Variants in MROH9 observed in about 807,000 individuals in gnomAD.
MROH9 encodes the protein maestro heat-like repeat-containing protein family member 9.
In MROH9, 92 loss-of-function variants were observed where a neutral mutation model predicts 98.2. That is an observed-to-expected ratio of 0.94 (90% confidence interval 0.79 to 1.11). The LOEUF (loss-of-function observed/expected upper bound fraction) is 1.11, where lower values mean the gene tolerates loss of function less well. MROH9 is among the 50% of genes most tolerant of loss of function. The pLI, the probability that MROH9 is intolerant of heterozygous loss-of-function variation, is 0.00. For missense variants in MROH9, 1,057 were observed against 1,014.8 expected, an observed-to-expected ratio of 1.04 and a Z score of -0.57; for synonymous variants, 397 against 368.9, an observed-to-expected ratio of 1.08 and a Z score of -0.87.
rs780524229 is a variant in MROH9, at chr1:171,016,220, G to A, written c.1792G>A (p.Asp598Asn). 1.5e-5 allele frequency: 23 copies of A among 1,538,908 alleles called. No homozygotes were observed. Among genetic ancestry groups the A allele is most frequent in the East Asian group, 5.0e-5 (2 of 40,090 alleles). Residue 598 changes from aspartate (D) to asparagine (N), a missense_variant, in exon 17 of 22, where the codon GAT (aspartate) becomes AAT (asparagine). Asp to Asn is a conservative substitution (Grantham distance 23, BLOSUM62 1). Transcript: ENST00000367759. Reference sequence around the variant, plus strand: ...CCTGGATGCCTTCCTTTCCAAAGACGATAATGTTGTACTTCAGGCCTTGCT... The same window carrying A: ...CCTGGATGCCTTCCTTTCCAAAGACAATAATGTTGTACTTCAGGCCTTGCT... ...AILDAFLSKD[D>N]NVVLQALLTL... is the part of the protein sequence containing the mutation.
intron 17 of MROH9, among the ~76,000 whole-genome samples, chr1:171,022,307 T>C (rs1652546986): frequency 6.6e-6 from 1 of 152,208 alleles, no homozygotes; most frequent in Non-Finnish European, 1.5e-5. Context: ...TGTATGTTTA[T>C]TGCAGCACTA....
At position 170,983,544 on chromosome 1, in the gene MROH9, C is replaced by A; in HGVS notation, c.729+10C>A. ...AAGTAAAATAGCTCAGGTAACTTAGCCCCCACTTTTTCCGAGGGCTTTTGT... is the reference window on the plus strand; with the variant it reads ...AAGTAAAATAGCTCAGGTAACTTAGACCCCACTTTTTCCGAGGGCTTTTGT... On this transcript the variant is annotated intron_variant, in intron 9 of 21. Transcript: ENST00000367759. The A allele has an allele frequency of 1.3e-6, 2 of 1,526,116 alleles. No individual in the cohort carries two copies. Among genetic ancestry groups the A allele is most frequent in the Non-Finnish European group, 1.8e-6 (2 of 1,102,622 alleles). The allele number at this position is 1,526,116 out of a possible 1,614,324, so 94.5% of individuals were successfully genotyped here. A position where few individuals can be genotyped will look rare whatever the true frequency, so the allele number is the denominator to read the frequency against.
At chr1:170,980,923 GA>G (rs1285224234) in intron 8 of MROH9, among the ~76,000 whole-genome samples, 11 of 152,040 alleles carry the variant, frequency 7.2e-5, no homozygotes, top group Admixed American at 5.2e-4. Flanking sequence ...AAATTTACAA[GA>G]AAAAAACAAA....
At chr1:171,035,835 A>G (rs1179669995) in intron 20 of MROH9, among the ~76,000 whole-genome samples, 1 of 152,170 alleles carries the variant, frequency 6.6e-6, no homozygotes, top group South Asian at 2.1e-4. Context: ...AAATTCTTAA[A>G]CCACTTTGGA....
intron 8 of MROH9, among the ~76,000 whole-genome samples, chr1:170,983,088 T>G (rs1008671928): frequency 1.3e-5 from 2 of 152,188 alleles, no homozygotes; most frequent in African/African-American, 4.8e-5. Context: ...TGCCTCCAAG[T>G]CTACTTTCCC....
chr1:171,021,270 A>T (rs748214708), intron 17 of MROH9, among the ~76,000 whole-genome samples: 11 of 152,224 alleles, frequency 7.2e-5, no homozygotes, highest in Non-Finnish European at 1.6e-4. Context: ...TTTAAATTCC[A>T]TATGGAAGCA....
intron 7 of MROH9, among the ~76,000 whole-genome samples, chr1:170,970,697 A>C (rs1650408177): frequency 8.7e-6 from 1 of 115,056 alleles, no homozygotes. Flanking sequence ...CTTCCTTAGG[A>C]ATTTCTGTGT....
intron 1 of MROH9, among the ~76,000 whole-genome samples, chr1:170,940,793 C>T (rs1649090944): frequency 6.6e-6 from 1 of 152,192 alleles, no homozygotes; most frequent in Non-Finnish European, 1.5e-5. Flanking sequence ...GATGATGGCA[C>T]TAACCTCTGC....
At position 171,062,182 on chromosome 1, in the gene MROH9, G is replaced by A. The variant is rs1486978900; in HGVS notation, c.2332G>A (p.Val778Ile). The A allele has an allele frequency of 6.5e-7, 1 of 1,549,072 alleles. No individual in the cohort carries two copies. Among genetic ancestry groups the A allele is most frequent in the East Asian group, 2.4e-5 (1 of 40,856 alleles). ...TTTACTGCTTAGAGATGAAATCGAA[G>A]TCATGCTTGATGGTGAGTATTGAGG... ...GHLLLRDEIE[V>I]MLDVIERLLR... The change falls in exon 21 of 22, where the codon GTC becomes ATC. Residue 778 changes from valine to isoleucine, a missense_variant. Coordinates refer to ENST00000367759, the MANE Select transcript of MROH9 (RefSeq NM_001163629.2).
chr1:170,998,165 A>C lies in MROH9; in HGVS notation c.1487A>C (p.Glu496Ala). The C allele has an allele frequency of 1.2e-6, 2 of 1,605,904 alleles. No homozygotes were observed. Among genetic ancestry groups the C allele is most frequent in the South Asian group, 2.2e-5 (2 of 89,064 alleles). The change falls in exon 15 of 22, where the codon GAA becomes GCA. Residue 496 changes from glutamate (E) to alanine (A), a missense_variant. Physicochemically the swap from Glu to Ala is moderately radical, Grantham distance 107 (BLOSUM62 -1). Transcript: ENST00000367759. ...GVCFIAKTLS[E>A]YNFPQFPETL... is the part of the protein sequence containing the mutation. ...ATTCTCTTTTACAGAACTCTCAGTG[A>C]ATATAACTTTCCACAGTTTCCGGAG...
At chr1:171,033,916 A>G (rs1653012579) in intron 20 of MROH9, among the ~76,000 whole-genome samples, 1 of 152,162 alleles carries the variant, frequency 6.6e-6, no homozygotes, top group African/African-American at 2.4e-5. Context: ...ATACTGAGAT[A>G]AGGAATCATT....
intron 3 of MROH9, among the ~76,000 whole-genome samples, chr1:170,953,728 GAAAGA>G (rs3980711): frequency 0.23 from 33,052 of 141,700 alleles, 4,524 homozygotes; most frequent in African/African-American, 0.4. Context: ...GTAGATTAGG[GAAAGA>G]AAAGAAAAGA....
chr1:171,003,937 G>T (rs1258597637), intron 15 of MROH9, among the ~76,000 whole-genome samples: 1 of 152,078 alleles, frequency 6.6e-6, no homozygotes, highest in Non-Finnish European at 1.5e-5. Flanking sequence ...AGGGGATGGG[G>T]GTGAGAGTCC....
intron 15 of MROH9, among the ~76,000 whole-genome samples, chr1:171,000,738 G>T (rs192289274): frequency 6.6e-5 from 10 of 152,176 alleles, no homozygotes; most frequent in African/African-American, 2.4e-4. Context: ...TGGTATTAGG[G>T]TGATGCTGAC....
chr1:170,963,910 A>G (rs1650125464), intron 6 of MROH9, among the ~76,000 whole-genome samples: 1 of 152,086 alleles, frequency 6.6e-6, no homozygotes, highest in East Asian at 1.9e-4. Flanking sequence ...AAGTTTATCT[A>G]TATAAAAACC....
chr1:170,946,811 T>A (rs1384161380), intron 2 of MROH9, among the ~76,000 whole-genome samples: 4 of 151,884 alleles, frequency 2.6e-5, no homozygotes, highest in Non-Finnish European at 5.9e-5. Context: ...ATAAGGCAAT[T>A]TTATCAATCA....
At chr1:170,996,933 T>C (rs1386755404) in intron 14 of MROH9, among the ~76,000 whole-genome samples, 1 of 152,174 alleles carries the variant, frequency 6.6e-6, no homozygotes, top group Non-Finnish European at 1.5e-5. Flanking sequence ...GAAGTGAGTT[T>C]GGTTTTTTCC....
chr1:171,009,055 T>A (rs868138127), intron 15 of MROH9, among the ~76,000 whole-genome samples: 1 of 150,474 alleles, frequency 6.6e-6, no homozygotes, highest in Non-Finnish European at 1.5e-5. Flanking sequence ...TAAGGATTTT[T>A]AAATATATAC....
chr1:171,059,341 A>G (rs1653944548), intron 20 of MROH9, among the ~76,000 whole-genome samples: 1 of 152,200 alleles, frequency 6.6e-6, no homozygotes, highest in African/African-American at 2.4e-5. Flanking sequence ...ACAATGAGAT[A>G]CCATCTCACA....
Sources: gnomAD v4.1 joint callset for allele counts (sites outside exome capture counted in the v4.1 genomes callset) on GRCh38, gnomAD v4.1.1 for gene constraint, MANE v1.5 for transcripts, NCBI Gene and HGNC (gene_info 2026-07-23, HGNC 2026-07-21) for gene names.